PCLO: variants seen among roughly 807,000 people sequenced by gnomAD.
PCLO encodes protein piccolo.
Under a neutral mutation model 427.5 loss-of-function variants are expected in PCLO, and 82 were observed. That is an observed-to-expected ratio of 0.19 (90% CI 0.16 to 0.23). PCLO has a LOEUF of 0.23. Ranked by LOEUF, PCLO falls within the 10% of genes least tolerant of loss-of-function variation. PCLO has a pLI of 1.00. For synonymous variants in PCLO, 2,357 were observed against 2,155.4 expected (o/e 1.09, Z -2.59); for missense variants, 6,239 against 6,115.9 (o/e 1.02, Z -0.67).
At position 82,905,456 on chromosome 7, in the gene PCLO, T is replaced by C. The variant is rs115217320; in HGVS notation, c.13438-2715A>G. Among the ~76,000 whole-genome samples, 499 of 151,676 alleles carry C rather than the reference T, an allele frequency of 3.3e-3. 2 individuals carry two copies. The highest frequency in any genetic ancestry group is 0.011 in the African/African-American group (474 of 41,378). On this transcript the variant is annotated intron_variant, in intron 8 of 24. Transcript: ENST00000333891. ...GCAGGAGACAGAGTGCCTTGCTGAGTTCCTAGCACCGTATGCATATATAAC... is the reference window on the plus strand; with the variant it reads ...GCAGGAGACAGAGTGCCTTGCTGAGCTCCTAGCACCGTATGCATATATAAC...
At chr7:83,107,738 C>T (rs1205237245) in intron 3 of PCLO, among the ~76,000 whole-genome samples, 1 of 150,566 alleles carries the variant, frequency 6.6e-6, no homozygotes, top group East Asian at 1.9e-4. Context: ...CGCCTATAAT[C>T]CCAGCACTTT....
intron 20 of PCLO, among the ~76,000 whole-genome samples, chr7:82,813,590 A>G (rs1172582201): frequency 1.3e-5 from 2 of 151,674 alleles, no homozygotes; most frequent in African/African-American, 4.8e-5. Context: ...ATACCTTTAA[A>G]TTGATTATTC....
intron 3 of PCLO, among the ~76,000 whole-genome samples, chr7:83,073,102 T>C (rs1373094303): frequency 6.6e-6 from 1 of 151,978 alleles, no homozygotes; most frequent in Admixed American, 6.6e-5. Context: ...TTTATGTCCC[T>C]GCGGACAGCC....
chr7:82,771,785 G>T, intron 22 of PCLO, among the ~76,000 whole-genome samples: 1 of 152,032 alleles, frequency 6.6e-6, no homozygotes, highest in Admixed American at 6.6e-5. Flanking sequence ...GACAGGAGTG[G>T]TTATTTATGG....
chr7:82,987,569 T>G (rs925543585), intron 3 of PCLO, among the ~76,000 whole-genome samples: 1 of 152,060 alleles, frequency 6.6e-6, no homozygotes, highest in African/African-American at 2.4e-5. Flanking sequence ...CATCAAGCAG[T>G]AGACTCCTAA....
intron 22 of PCLO, among the ~76,000 whole-genome samples, chr7:82,794,660 A>G (rs1791188316): frequency 6.7e-6 from 1 of 150,150 alleles, no homozygotes; most frequent in Non-Finnish European, 1.5e-5. Context: ...TTTTGTAGAG[A>G]CGGGGTTTAT....
chr7:82,902,482 C>T (rs1375204926), intron 9 of PCLO, among the ~76,000 whole-genome samples, 169 bp downstream of exon 9: 2 of 151,546 alleles, frequency 1.3e-5, no homozygotes, highest in African/African-American at 2.4e-5. Flanking sequence ...TGCTAAATGA[C>T]GAGTTAATGG....
chr7:83,075,198 C>T (rs974475110), intron 3 of PCLO, among the ~76,000 whole-genome samples: 25 of 152,138 alleles, frequency 1.6e-4, no homozygotes, highest in African/African-American at 5.8e-4. Context: ...AGAGATATCA[C>T]CAAGTATAAG....
chr7:83,135,125 T>C lies in PCLO; in HGVS notation c.2425A>G (p.Thr809Ala), dbSNP rs200929546. ...SAKPSQSFPP[T>A]GEKVSPFDSK... ...TCAAATGGGCTGACTTTTTCCCCTGTTGGTGGAAAACTCTGTGAGGGTTTG... is the reference window on the plus strand; with the variant it reads ...TCAAATGGGCTGACTTTTTCCCCTGCTGGTGGAAAACTCTGTGAGGGTTTG... The change falls in exon 3 of 25, where the codon ACA becomes GCA. Residue 809 changes from threonine (T) to alanine (A), a missense_variant. Around this residue, in one of 5 missense-constraint regions of PCLO, gnomAD observed 4,677 missense variants for 4,468.4 expected, o/e 1.05. Coordinates refer to ENST00000333891, the MANE Select transcript of PCLO (RefSeq NM_033026.6). 1.4e-4 allele frequency: 233 copies of C among 1,613,772 alleles called. No individual in the cohort carries two copies. Among genetic ancestry groups the C allele is most frequent in the Non-Finnish European group, 1.9e-4 (229 of 1,179,878 alleles).
intron 1 of PCLO, among the ~76,000 whole-genome samples, chr7:83,160,256 T>A (rs902317466): frequency 6.6e-6 from 1 of 152,172 alleles, no homozygotes; most frequent in Non-Finnish European, 1.5e-5. Flanking sequence ...GTATTTGTAA[T>A]TTGCTATGAG....
chr7:82,950,750 T>C lies in PCLO; in HGVS notation c.9838A>G (p.Met3280Val), dbSNP rs771533306. The stretch of plus-strand genomic sequence containing the variant: ...TGAGCTAACGTCTCCTGCCTCATCA[T>C]GAACTGGGCTTGCCGCTCTTCTTCT... ...QQEEERQAQFMMRQETLAQQQ... is the reference protein window; with the variant it reads ...QQEEERQAQFVMRQETLAQQQ... Residue 3280 changes from methionine to valine, a missense_variant, in exon 6 of 25, where the codon ATG (methionine) becomes GTG (valine). By Grantham distance (21) the Met-to-Val change is conservative (BLOSUM62 1). Transcript: ENST00000333891. The C allele has an allele frequency of 6.2e-7, 1 of 1,613,870 alleles. No individual in the cohort carries two copies. The highest frequency in any genetic ancestry group is 8.5e-7 in the Non-Finnish European group (1 of 1,179,842).
intron 22 of PCLO, among the ~76,000 whole-genome samples, chr7:82,771,943 T>A (rs986331599): frequency 6.7e-6 from 1 of 150,098 alleles, no homozygotes; most frequent in East Asian, 1.9e-4. Context: ...GAAGGCATAC[T>A]TTTTTTTTGT....
chr7:83,108,069 C>A lies in PCLO; in HGVS notation c.3300+26181G>T, dbSNP rs115791048. Among the ~76,000 whole-genome samples, 1,113 of 147,372 alleles carry A rather than the reference C, an allele frequency of 7.6e-3. 19 individuals are homozygous for A. Among genetic ancestry groups the A allele is most frequent in the African/African-American group, 0.025 (1,003 of 40,304 alleles). ...CAAATTATAATAGTTTTTAAATATT[C>A]TTTGGCAATAGTTATGGCCATTGAT... On this transcript the variant is annotated intron_variant, in intron 3 of 24. Coordinates refer to ENST00000333891, the MANE Select transcript of PCLO (RefSeq NM_033026.6).
rs1175186545 is a variant in PCLO, at chr7:82,915,341, A to T, written c.12645T>A (p.Asp4215Glu). Residue 4215 changes from aspartate (D) to glutamate (E), a missense_variant, in exon 7 of 25, where the codon GAT becomes GAA. Around this residue, in one of 5 missense-constraint regions of PCLO, gnomAD observed 680 missense variants for 677.3 expected, o/e 1.00. Coordinates refer to ENST00000333891, the MANE Select transcript of PCLO (RefSeq NM_033026.6). ...TGCTAGAAGTCATATAGCTTGAATAATCAGGTTCAAGGTCTCTACTTTCTT... is the reference window on the plus strand; with the variant it reads ...TGCTAGAAGTCATATAGCTTGAATATTCAGGTTCAAGGTCTCTACTTTCTT... ...PIQESRDLEPDYSSYMTSSTS... is the reference protein window; with the variant it reads ...PIQESRDLEPEYSSYMTSSTS... 1 of 1,613,502 alleles carries T rather than the reference A, an allele frequency of 6.2e-7. No individual in the cohort carries two copies. Among genetic ancestry groups the T allele is most frequent in the East Asian group, 2.2e-5 (1 of 44,746 alleles).
chr7:82,902,747 A>G lies in PCLO; in HGVS notation c.13438-6T>C. On this transcript the variant is annotated splice_region_variant and splice_polypyrimidine_tract_variant and intron_variant, in intron 8 of 24. Coordinates refer to ENST00000333891, the MANE Select transcript of PCLO (RefSeq NM_033026.6). ...TTCCCGTTCATCTGTATAATCTAAG[A>G]CATACATGTAGTAAGGTAAAAAACC... 2.0e-6 allele frequency: 3 copies of G among 1,470,046 alleles called. No individual in the cohort carries two copies. Among genetic ancestry groups the G allele is most frequent in the Non-Finnish European group, 1.9e-6 (2 of 1,050,970 alleles). 91.1% of individuals were successfully genotyped at this position (1,470,046 alleles called of 1,614,324 possible).
intron 3 of PCLO, among the ~76,000 whole-genome samples, chr7:83,020,115 A>G (rs1788305221): frequency 6.6e-6 from 1 of 152,110 alleles, no homozygotes; most frequent in Non-Finnish European, 1.5e-5. Context: ...ATGGCCCTTT[A>G]CACAAAAATT....
chr7:82,911,453 A>G (rs544774940), intron 7 of PCLO, among the ~76,000 whole-genome samples: 66 of 152,162 alleles, frequency 4.3e-4, no homozygotes, highest in African/African-American at 1.5e-3. Flanking sequence ...TTTTTTTTAA[A>G]CTTGACAATA....
chr7:82,893,613 A>G (rs1046702039), intron 9 of PCLO, among the ~76,000 whole-genome samples: 5 of 152,026 alleles, frequency 3.3e-5, no homozygotes, highest in African/African-American at 1.2e-4. Flanking sequence ...AAATAATTCT[A>G]TAACAGGATT....
chr7:83,160,990 A>G (rs1289969581), intron 1 of PCLO, among the ~76,000 whole-genome samples: 1 of 152,206 alleles, frequency 6.6e-6, no homozygotes, highest in East Asian at 1.9e-4. Flanking sequence ...GGATAAGAGA[A>G]CAAGAAAGAC....
Sources: gnomAD v4.1 joint callset for allele counts (sites outside exome capture counted in the v4.1 genomes callset) on GRCh38, gnomAD v4.1.1 for gene constraint, gnomAD v4.1.1 regional missense constraint, MANE v1.5 for transcripts, NCBI Gene and HGNC (gene_info 2026-07-23, HGNC 2026-07-21) for gene names.